The following RGS7BP variants were observed in gnomAD, a reference collection of about 807,000 sequenced individuals.
RGS7BP encodes regulator of G protein signaling 7 binding protein, also known as regulator of G protein signaling 7-binding protein.
RGS7BP carries 9 observed loss-of-function variants against 31.3 expected under a neutral mutation model. The observed-to-expected ratio is 0.29, with a 90% confidence interval of 0.17 to 0.50. The LOEUF (loss-of-function observed/expected upper bound fraction) is 0.50. RGS7BP is among the 20% of genes least tolerant of loss of function. RGS7BP has a pLI of 0.98. For missense variants in RGS7BP, 274 were observed against 322.0 expected, an observed-to-expected ratio of 0.85 and a Z score of 1.14; for synonymous variants, 115 against 120.1, an observed-to-expected ratio of 0.96 and a Z score of 0.28.
At chr5:64,597,794 G>T (rs1160295360) in intron 4 of RGS7BP, among the ~76,000 whole-genome samples, 2 of 151,966 alleles carry the variant, frequency 1.3e-5, no homozygotes, top group Non-Finnish European at 2.9e-5. Context: ...TGGGTAAAAC[G>T]TACATTATTG....
intron 2 of RGS7BP, among the ~76,000 whole-genome samples, chr5:64,565,876 T>C (rs1742157340): frequency 1.3e-5 from 2 of 152,184 alleles, no homozygotes; most frequent in Non-Finnish European, 2.9e-5. Flanking sequence ...TGTCTAGATA[T>C]ATACATCTCA....
At chr5:64,598,788 A>G (rs975434827) in intron 5 of RGS7BP, among the ~76,000 whole-genome samples, 2 of 152,232 alleles carry the variant, frequency 1.3e-5, no homozygotes, top group African/African-American at 4.8e-5. Flanking sequence ...AATCCAAAAA[A>G]TTAACATATA....
At chr5:64,596,540 T>C (rs1200713434) in intron 4 of RGS7BP, among the ~76,000 whole-genome samples, 1 of 152,080 alleles carries the variant, frequency 6.6e-6, no homozygotes, top group East Asian at 1.9e-4. Context: ...TTCCTAGCCC[T>C]TTCTCACCCA....
In RGS7BP at chr5:64,609,966, T is replaced by C. The variant is rs559687005; in HGVS notation, c.*714T>C. ...AATTTCTTTTTGATCCAATGATGTC[T>C]TTTTCAGCTTCTTGGAGAATGAAGT... On this transcript the variant is annotated 3_prime_UTR_variant, in exon 6 of 6. Transcript: ENST00000334025. 1 of 152,564 alleles carries C rather than the reference T, an allele frequency of 6.6e-6. No individual in the cohort carries two copies. Among genetic ancestry groups the C allele is most frequent in the African/African-American group, 2.4e-5 (1 of 41,540 alleles). The allele number at this position is 152,564 out of a possible 1,614,324, so 9.5% of individuals were successfully genotyped here.
At position 64,575,814 on chromosome 5, in the gene RGS7BP, T is replaced by C. The variant is rs766456093; in HGVS notation, c.373T>C (p.Tyr125His). Residue 125 changes from tyrosine to histidine, a missense_variant, in exon 3 of 6, where the codon TAC becomes CAC. Coordinates refer to ENST00000334025, the MANE Select transcript of RGS7BP (RefSeq NM_001029875.3). ...GATCCATCCAGAAATCTGTCGGCTT[T>C]ACATCCAGCTGCAGTGCTGCTTAGA... ...GEIHPEICRL[Y>H]IQLQCCLEMY... 8 of 1,612,744 alleles carry C rather than the reference T, an allele frequency of 5.0e-6. No homozygotes were observed. Among genetic ancestry groups the C allele is most frequent in the Non-Finnish European group, 6.8e-6 (8 of 1,179,344 alleles).
chr5:64,531,992 T>C (rs965561711), intron 2 of RGS7BP, among the ~76,000 whole-genome samples: 2 of 152,258 alleles, frequency 1.3e-5, no homozygotes, highest in Non-Finnish European at 2.9e-5. Context: ...TCTTTTGCTA[T>C]GTGCATACAA....
chr5:64,596,064 A>T (rs548835582), intron 4 of RGS7BP, among the ~76,000 whole-genome samples: 1 of 152,344 alleles, frequency 6.6e-6, no homozygotes, highest in Admixed American at 6.5e-5. Flanking sequence ...AGGGAAAAAA[A>T]TATCTGCTGA....
At chr5:64,511,561 G>A (rs774870556) in intron 2 of RGS7BP, among the ~76,000 whole-genome samples, 1 of 152,158 alleles carries the variant, frequency 6.6e-6, no homozygotes. Context: ...TGCTTGGGGT[G>A]TGTGTGTATG....
intron 2 of RGS7BP, among the ~76,000 whole-genome samples, chr5:64,519,694 T>C (rs1455882289): frequency 3.3e-5 from 5 of 152,236 alleles, no homozygotes; most frequent in African/African-American, 1.2e-4. Flanking sequence ...GCCAACTATG[T>C]GCTGTTCCCT....
At chr5:64,593,147 A>T (rs1742965174) in intron 3 of RGS7BP, among the ~76,000 whole-genome samples, 1 of 152,218 alleles carries the variant, frequency 6.6e-6, no homozygotes, top group Non-Finnish European at 1.5e-5. Context: ...AAAGTTTCTC[A>T]TGAGTCAATG....
chr5:64,574,248 A>G (rs1742365981), intron 2 of RGS7BP, among the ~76,000 whole-genome samples: 1 of 152,004 alleles, frequency 6.6e-6, no homozygotes, highest in African/African-American at 2.4e-5. Context: ...AAAGCTGAAG[A>G]CGAGATGAAA....
At chr5:64,583,631 C>T (rs547247263) in intron 3 of RGS7BP, among the ~76,000 whole-genome samples, 1 of 152,226 alleles carries the variant, frequency 6.6e-6, no homozygotes, top group African/African-American at 2.4e-5. Context: ...TGGGTGGCTA[C>T]TTTGGAAGGG....
chr5:64,506,450 C>A lies in RGS7BP; in HGVS notation c.-175C>A, dbSNP rs922856420. ...ATGCTGCACGGCACAGCTAGCGCTT[C>A]CCCGGCTCTCCTTCAAGCTGAAGGT... On this transcript the variant is annotated 5_prime_UTR_variant, in exon 1 of 6. Transcript: ENST00000334025. The surrounding 1 kb of genome is among the most constrained non-coding windows in gnomAD (Gnocchi z 4.6). 1 of 485,490 alleles carries A rather than the reference C, an allele frequency of 2.1e-6. No homozygotes were observed. Among genetic ancestry groups the A allele is most frequent in the East Asian group, 3.2e-5 (1 of 31,414 alleles). 30.1% of individuals were successfully genotyped at this position (485,490 alleles called of 1,614,324 possible).
intron 3 of RGS7BP, among the ~76,000 whole-genome samples, chr5:64,576,602 G>A (rs1742437940): frequency 6.6e-6 from 1 of 152,210 alleles, no homozygotes; most frequent in Non-Finnish European, 1.5e-5. Context: ...AGAAAAAGTT[G>A]TGAACTTCAT....
At chr5:64,571,629 A>G (rs747793686) in intron 2 of RGS7BP, among the ~76,000 whole-genome samples, 4 of 152,124 alleles carry the variant, frequency 2.6e-5, no homozygotes, top group Non-Finnish European at 4.4e-5. Context: ...AGCCTTTGTC[A>G]TATTACTTTT....
chr5:64,564,924 A>G (rs1355507727), intron 2 of RGS7BP, among the ~76,000 whole-genome samples: 4 of 152,208 alleles, frequency 2.6e-5, no homozygotes, highest in East Asian at 1.9e-4. Flanking sequence ...ATCTTCTGAC[A>G]TTAAGAAACA....
chr5:64,567,987 CA>C (rs560756388), intron 2 of RGS7BP, among the ~76,000 whole-genome samples: 393 of 151,922 alleles, frequency 2.6e-3, no homozygotes, highest in African/African-American at 8.7e-3. Flanking sequence ...ATTTTAGATG[CA>C]AAAATATTTT....
rs1191560944 is a variant in RGS7BP at position 64,538,546 on chromosome 5, C to CTTTTTTTTTTTTT, written c.332+30685_332+30697dup. Among the ~76,000 whole-genome samples, 5 of 40,036 alleles carry CTTTTTTTTTTTTT rather than the reference C, an allele frequency of 1.2e-4. 1 individual carries two copies. The highest frequency in any genetic ancestry group is 5.6e-4 in the African/African-American group (5 of 8,978). 26.3% of individuals were successfully genotyped at this position (40,036 alleles called of 152,430 possible). A position where few individuals can be genotyped will look rare whatever the true frequency, so the allele number is the denominator to read the frequency against. ...TTCTTTTCTTTTTTTTTTTCCTTTT[C>CTTTTTTTTTTTTT]TTTTTTTTTTTTTTTTTTTTTTTTT... is the stretch of plus-strand genomic sequence containing the variant. On this transcript the variant is annotated intron_variant, in intron 2 of 5. Transcript: ENST00000334025.
At chr5:64,565,793 C>T (rs1309855522) in intron 2 of RGS7BP, among the ~76,000 whole-genome samples, 2 of 152,100 alleles carry the variant, frequency 1.3e-5, no homozygotes, top group African/African-American at 4.8e-5. Flanking sequence ...ATGATATTTT[C>T]CATGTATATA....
Sources: allele counts gnomAD v4.1 joint callset (sites outside exome capture counted in the v4.1 genomes callset), GRCh38; gene constraint gnomAD v4.1.1; non-coding constraint Gnocchi (gnomAD v3.1); transcripts MANE v1.5; gene names NCBI Gene and HGNC (gene_info 2026-07-23, HGNC 2026-07-21).